The following PDE7B variants were observed in gnomAD, a reference collection of about 807,000 sequenced individuals.
PDE7B encodes the protein phosphodiesterase 7B.
A neutral mutation model predicts 56.2 loss-of-function variants in PDE7B; 29 were observed. That is an observed-to-expected ratio of 0.52 (90% CI 0.38 to 0.70). The LOEUF (loss-of-function observed/expected upper bound fraction) is 0.70, where lower values mean the gene tolerates loss of function less well. PDE7B is among the 30% of genes least tolerant of loss of function. The pLI is 0.00. For missense variants in PDE7B, 490 were observed against 565.0 expected (o/e 0.87, Z 1.35); for synonymous variants, 197 against 196.9 (o/e 1.00, Z 0.00).
intron 2 of PDE7B, among the ~76,000 whole-genome samples, chr6:136,056,903 C>T (rs1776746669): frequency 6.6e-6 from 1 of 152,040 alleles, no homozygotes; most frequent in Non-Finnish European, 1.5e-5. Flanking sequence ...AATTAATAGC[C>T]TTCTATTTCC....
At chr6:135,865,153 T>G (rs1004211230) in intron 1 of PDE7B, among the ~76,000 whole-genome samples, 51 of 152,068 alleles carry the variant, frequency 3.4e-4, no homozygotes, top group African/African-American at 1.0e-3. Flanking sequence ...GTTCATGTCC[T>G]TTGTAGGGAC....
chr6:136,082,484 C>T (rs1777222695), intron 2 of PDE7B, among the ~76,000 whole-genome samples: 1 of 152,124 alleles, frequency 6.6e-6, no homozygotes, highest in South Asian at 2.1e-4. Context: ...TATTAACAGA[C>T]ATGGGAAAGG....
At chr6:135,968,349 TATC>T (rs1451623862) in intron 2 of PDE7B, among the ~76,000 whole-genome samples, 1 of 148,160 alleles carries the variant, frequency 6.7e-6, no homozygotes, top group Non-Finnish European at 1.5e-5. Flanking sequence ...GCAAAGAAAC[TATC>T]ATCAGAGTGA....
rs748918377 is a variant in PDE7B, at chr6:136,191,602, T to TG, written c.1127-11dup. 3.0e-5 allele frequency: 49 copies of TG among 1,610,768 alleles called. No individual in the cohort carries two copies. Among genetic ancestry groups the TG allele is most frequent in the Middle Eastern group, 3.3e-4 (2 of 6,076 alleles). On this transcript the variant is annotated splice_polypyrimidine_tract_variant and intron_variant, in intron 12 of 12. Transcript: ENST00000308191. ...CACGCTGTGATGCTGAGCCTTGACT[T>TG]GCCTGTTCTAGGTTTCATGAGCTAC...
chr6:136,193,363 A>G lies in PDE7B; in HGVS notation c.*1523A>G, dbSNP rs1171398003. The stretch of plus-strand genomic sequence containing the variant: ...ACCCAACTGTTTAGCTGAAGTTCAT[A>G]TTATTTAAGTAAAGAAAATATTTCA... On this transcript the variant is annotated 3_prime_UTR_variant, in exon 13 of 13. Coordinates refer to ENST00000308191, the MANE Select transcript of PDE7B (RefSeq NM_018945.4). 6.6e-6 allele frequency: 1 copy of G among 152,636 alleles called. No individual in the cohort carries two copies. The highest frequency in any genetic ancestry group is 1.5e-5 in the Non-Finnish European group (1 of 68,052). The allele number at this position is 152,636 out of a possible 1,614,324, so 9.5% of individuals were successfully genotyped here. A position where few individuals can be genotyped will look rare whatever the true frequency, so the allele number is the denominator to read the frequency against.
Position 136,183,409 on chromosome 6 carries a change from C to A in PDE7B, c.1045+2086C>A, listed in dbSNP as rs1421674686. Reference sequence around the variant, plus strand: ...GAGATAGAGATCATCCCGGCTAACACGGTGAAACCCCGTCTCTACTAAAAA... The same window carrying A: ...GAGATAGAGATCATCCCGGCTAACAAGGTGAAACCCCGTCTCTACTAAAAA... On this transcript the variant is annotated intron_variant, in intron 11 of 12. Coordinates refer to ENST00000308191, the MANE Select transcript of PDE7B (RefSeq NM_018945.4). Among the ~76,000 whole-genome samples, 7 of 151,654 alleles carry A rather than the reference C, an allele frequency of 4.6e-5. No individual in the cohort carries two copies. The South Asian group carries it at 1.2e-3, about 27-fold the overall frequency.
chr6:135,871,478 G>A (rs911712246), intron 1 of PDE7B, among the ~76,000 whole-genome samples: 1 of 152,178 alleles, frequency 6.6e-6, no homozygotes, highest in Non-Finnish European at 1.5e-5. Context: ...CCTCTTATTT[G>A]GGCTCAGCAA....
chr6:136,085,522 G>C (rs1256034898), intron 2 of PDE7B, among the ~76,000 whole-genome samples: 3 of 152,172 alleles, frequency 2.0e-5, no homozygotes, highest in African/African-American at 7.2e-5. Context: ...TAATGTGCCG[G>C]AGGGGGCTGA....
At chr6:135,863,709 T>G (rs1379550398) in intron 1 of PDE7B, among the ~76,000 whole-genome samples, 1 of 148,662 alleles carries the variant, frequency 6.7e-6, no homozygotes, top group Non-Finnish European at 1.5e-5. Context: ...TTTTTTTTTT[T>G]GCCTTCAATT....
chr6:136,015,102 A>G (rs529940248), intron 2 of PDE7B, among the ~76,000 whole-genome samples: 7 of 152,310 alleles, frequency 4.6e-5, no homozygotes, highest in Non-Finnish European at 1.0e-4. Context: ...ATTCCATGAT[A>G]TTTGTATTAG....
chr6:135,869,820 A>C (rs1775339922), intron 1 of PDE7B, among the ~76,000 whole-genome samples: 1 of 152,210 alleles, frequency 6.6e-6, no homozygotes, highest in Non-Finnish European at 1.5e-5. Flanking sequence ...GCAAGAGCGA[A>C]GTCCTGAGAA....
intron 2 of PDE7B, among the ~76,000 whole-genome samples, chr6:136,074,861 C>T (rs948205196): frequency 1.3e-5 from 2 of 152,264 alleles, no homozygotes; most frequent in Middle Eastern, 3.4e-3. Context: ...CGTATCTTGG[C>T]TGTTGTGAAT....
intron 1 of PDE7B, among the ~76,000 whole-genome samples, chr6:135,864,842 G>A (rs1238170866): frequency 2.0e-5 from 3 of 151,722 alleles, no homozygotes; most frequent in African/African-American, 7.3e-5. Flanking sequence ...TGCACAATGT[G>A]CAGGTTTGTT....
At chr6:136,012,874 T>C (rs968924409) in intron 2 of PDE7B, among the ~76,000 whole-genome samples, 4 of 152,234 alleles carry the variant, frequency 2.6e-5, no homozygotes, top group Non-Finnish European at 5.9e-5. Context: ...AGCAAACATC[T>C]GTATTCAAAC....
chr6:135,885,229 T>C (rs969342954), intron 1 of PDE7B, among the ~76,000 whole-genome samples: 4 of 152,176 alleles, frequency 2.6e-5, no homozygotes, highest in African/African-American at 9.6e-5. Flanking sequence ...ATAAAGCCTG[T>C]TATCATGATG....
At chr6:135,922,203 C>T (rs1774096217) in intron 1 of PDE7B, among the ~76,000 whole-genome samples, 1 of 152,142 alleles carries the variant, frequency 6.6e-6, no homozygotes, top group Admixed American at 6.5e-5. Context: ...ACATACAACT[C>T]TGGGTAAGGT....
At chr6:136,087,953 G>T (rs1018649201) in intron 2 of PDE7B, among the ~76,000 whole-genome samples, 1 of 152,086 alleles carries the variant, frequency 6.6e-6, no homozygotes, top group Non-Finnish European at 1.5e-5. Flanking sequence ...ATTATCCATG[G>T]TTTCAACAAG....
At chr6:135,926,427 C>T (rs761269480) in intron 1 of PDE7B, among the ~76,000 whole-genome samples, 28 of 151,638 alleles carry the variant, frequency 1.8e-4, no homozygotes, top group Non-Finnish European at 2.9e-4. Flanking sequence ...GAAGAGTGGG[C>T]GGTCACAAGG....
rs1306688446 is a variant in PDE7B, at chr6:136,194,705, A to T, written c.*2865A>T. ...CAAGAGATCGAGACCATTCTGGCCA[A>T]CATGGTGAAACCCCGTCTCTACTAA... On this transcript the variant is annotated 3_prime_UTR_variant, in exon 13 of 13. Transcript: ENST00000308191. 1.3e-5 allele frequency: 2 copies of T among 152,278 alleles called. No individual in the cohort carries two copies. The highest frequency in any genetic ancestry group is 3.8e-4 in the East Asian group (2 of 5,196). 9.4% of individuals were successfully genotyped at this position (152,278 alleles called of 1,614,324 possible).
Sources: gnomAD v4.1 joint callset for allele counts (sites outside exome capture counted in the v4.1 genomes callset) on GRCh38, gnomAD v4.1.1 for gene constraint, MANE v1.5 for transcripts, NCBI Gene and HGNC (gene_info 2026-07-23, HGNC 2026-07-21) for gene names.